Variants in DISC1 observed in about 807,000 individuals in gnomAD.
DISC1 encodes the protein disrupted in schizophrenia 1 protein.
In DISC1, 57 loss-of-function variants were observed where a neutral mutation model predicts 84.5. The observed-to-expected ratio is 0.67, with a 90% confidence interval of 0.55 to 0.84. DISC1 has a LOEUF of 0.84. Among genes scored for constraint, DISC1 ranks in the 40% least tolerant of loss-of-function variants. The probability of loss-of-function intolerance (pLI) is 0.00; values close to 1 mark genes in which losing one functional copy is unlikely to be tolerated. For synonymous variants in DISC1, 411 were observed against 415.2 expected (o/e 0.99, Z 0.12); for missense variants, 1,000 against 1,057.8 (o/e 0.95, Z 0.76).
intron 4 of DISC1, among the ~76,000 whole-genome samples, chr1:231,761,130 G>A (rs2075624234): frequency 6.6e-6 from 1 of 152,082 alleles, no homozygotes; most frequent in African/African-American, 2.4e-5. Context: ...CCCGTACTGG[G>A]GTGGTGCCGA....
chr1:231,978,140 G>C (rs766316655), intron 10 of DISC1, among the ~76,000 whole-genome samples: 2 of 151,798 alleles, frequency 1.3e-5, no homozygotes, highest in Non-Finnish European at 2.9e-5. Flanking sequence ...ATTTATGGCC[G>C]AGAATTTGAT....
intron 5 of DISC1, among the ~76,000 whole-genome samples, chr1:231,768,793 T>C (rs1229388309): frequency 1.3e-5 from 2 of 151,994 alleles, no homozygotes; most frequent in African/African-American, 2.4e-5. Context: ...TGTTATAGGG[T>C]GATAAGAGCT....
At chr1:231,746,241 A>G (rs1269610443) in intron 3 of DISC1, among the ~76,000 whole-genome samples, 1 of 152,216 alleles carries the variant, frequency 6.6e-6, no homozygotes. Flanking sequence ...CACTTAACAT[A>G]ATGTCTTTCA....
At chr1:231,657,496 T>C (rs961611772) in intron 1 of DISC1, among the ~76,000 whole-genome samples, 2 of 152,212 alleles carry the variant, frequency 1.3e-5, no homozygotes, top group African/African-American at 2.4e-5. Flanking sequence ...TTAGATACCA[T>C]TTGTAGGTTT....
At chr1:231,725,975 C>T (rs1400916243) in intron 3 of DISC1, among the ~76,000 whole-genome samples, 1 of 152,086 alleles carries the variant, frequency 6.6e-6, no homozygotes, top group Non-Finnish European at 1.5e-5. Flanking sequence ...AAGCAGGGAG[C>T]AGACAGGAAG....
In DISC1 at chr1:232,006,831, C is replaced by T. The variant is rs551611297; in HGVS notation, c.2043-1954C>T. Among the ~76,000 whole-genome samples, 4 of 152,240 alleles carry T rather than the reference C, an allele frequency of 2.6e-5. No individual in the cohort carries two copies. In the South Asian group the frequency reaches 8.3e-4, roughly 32 times the overall value. ...CATGTCAGAGGTCTTCATGGCAGCC[C>T]CTCCCATTACAGGCCTGGAGACCTA... On this transcript the variant is annotated intron_variant, in intron 10 of 12. Transcript: ENST00000439617.
intron 10 of DISC1, among the ~76,000 whole-genome samples, chr1:231,968,027 CTAAG>C (rs1024319611): frequency 9.2e-5 from 14 of 152,250 alleles, no homozygotes; most frequent in Admixed American, 9.2e-4. Flanking sequence ...GTATATAAAA[CTAAG>C]TAACACTTTA....
At chr1:231,761,628 A>C (rs202126184) in intron 4 of DISC1, among the ~76,000 whole-genome samples, 6 of 152,210 alleles carry the variant, frequency 3.9e-5, no homozygotes, top group African/African-American at 7.2e-5. Flanking sequence ...CTCTGTAGCT[A>C]ATTTTCAATT....
At chr1:232,013,159 C>G (rs1668183243) in intron 11 of DISC1, among the ~76,000 whole-genome samples, 1 of 152,158 alleles carries the variant, frequency 6.6e-6, no homozygotes, top group African/African-American at 2.4e-5. Flanking sequence ...TGTCTGCAAC[C>G]TAGCCTGCGG....
chr1:231,682,272 G>T (rs1283151225), intron 1 of DISC1, among the ~76,000 whole-genome samples: 1 of 152,188 alleles, frequency 6.6e-6, no homozygotes, highest in East Asian at 1.9e-4. Context: ...CTTCCAGGAA[G>T]GGAATTCATG....
chr1:231,688,302 G>A (rs1371132040), intron 1 of DISC1, among the ~76,000 whole-genome samples: 3 of 152,214 alleles, frequency 2.0e-5, no homozygotes, highest in Non-Finnish European at 4.4e-5. Context: ...GTATTTCTGT[G>A]CCACCTTATT....
At chr1:231,666,835 G>A (rs761451437) in intron 1 of DISC1, among the ~76,000 whole-genome samples, 2 of 152,220 alleles carry the variant, frequency 1.3e-5, no homozygotes, top group Non-Finnish European at 2.9e-5. Flanking sequence ...GAGAGGTCAG[G>A]ACTGGCTGCA....
chr1:231,884,541 A>G (rs978316887), intron 9 of DISC1, among the ~76,000 whole-genome samples: 2 of 151,666 alleles, frequency 1.3e-5, no homozygotes, highest in Non-Finnish European at 2.9e-5. Context: ...GTTATTGTGA[A>G]TAGTGCTGCA....
At chr1:231,817,181 T>C (rs1268638468) in intron 8 of DISC1, among the ~76,000 whole-genome samples, 1 of 152,076 alleles carries the variant, frequency 6.6e-6, no homozygotes, top group East Asian at 1.9e-4. Flanking sequence ...ACCTCCTGGG[T>C]TTAAGTGATT....
At position 231,895,688 on chromosome 1, in the gene DISC1, A is replaced by C. The variant is rs1240154236; in HGVS notation, c.1982-63140A>C. 3.3e-5 allele frequency among the ~76,000 whole-genome samples: 5 copies of C among 151,832 alleles called. No individual in the cohort carries two copies. In the East Asian group the frequency reaches 7.7e-4, roughly 23 times the overall value. ...ATATTAATAAATGGAATTAACTGTA[A>C]TTTTGTTTCTTCATACTATCTTTCC... On this transcript the variant is annotated intron_variant, in intron 9 of 12. Transcript: ENST00000439617.
intron 7 of DISC1, 28 bp downstream of exon 7, chr1:231,795,324 A>G: frequency 6.3e-7 from 1 of 1,598,634 alleles, no homozygotes; most frequent in Non-Finnish European, 8.6e-7. Context: ...CCCATTTTCC[A>G]AAGAAGCCTA....
intron 10 of DISC1, among the ~76,000 whole-genome samples, chr1:231,977,650 G>T (rs1043292613): frequency 6.6e-6 from 1 of 152,060 alleles, no homozygotes; most frequent in African/African-American, 2.4e-5. Flanking sequence ...AAATTCATAG[G>T]TTCCCGGGAT....
intron 9 of DISC1, among the ~76,000 whole-genome samples, chr1:231,861,642 G>T (rs1024447444): frequency 2.6e-5 from 4 of 151,870 alleles, no homozygotes; most frequent in African/African-American, 9.7e-5. Context: ...TTATGTTTTG[G>T]TAGATCTTAG....
chr1:231,750,446 C>G (rs947553539), intron 4 of DISC1: 99 of 1,013,310 alleles, frequency 9.8e-5, no homozygotes, highest in Non-Finnish European at 1.1e-4. Flanking sequence ...CAGATGGTCC[C>G]CTCTGACCGA....
Sources: allele counts gnomAD v4.1 joint callset (sites outside exome capture counted in the v4.1 genomes callset), GRCh38; gene constraint gnomAD v4.1.1; transcripts MANE v1.5; gene names NCBI Gene and HGNC (gene_info 2026-07-23, HGNC 2026-07-21).